NAALADL2: variants seen among roughly 807,000 people sequenced by gnomAD.
NAALADL2 encodes N-acetylated alpha-linked acidic dipeptidase like 2, also known as inactive N-acetylated-alpha-linked acidic dipeptidase-like protein 2.
Under a neutral mutation model 87.2 loss-of-function variants are expected in NAALADL2, and 76 were observed. The observed-to-expected ratio is 0.87, with a 90% confidence interval of 0.72 to 1.05. The LOEUF (loss-of-function observed/expected upper bound fraction) is 1.05, where lower values mean the gene tolerates loss of function less well. Among genes scored for constraint, NAALADL2 ranks in the 50% least tolerant of loss-of-function variants. NAALADL2 has a pLI of 0.00. For synonymous variants in NAALADL2, 354 were observed against 331.0 expected (o/e 1.07, Z -0.75); for missense variants, 1,089 against 945.8 (o/e 1.15, Z -1.99).
At chr3:175,066,748 A>G (rs1714604481) in intron 1 of NAALADL2, among the ~76,000 whole-genome samples, 1 of 152,294 alleles carries the variant, frequency 6.6e-6, no homozygotes, top group Admixed American at 6.5e-5. Context: ...CCTTGCCCCT[A>G]TCAAAGACCT....
At chr3:175,233,397 A>G (rs181815961) in intron 2 of NAALADL2, among the ~76,000 whole-genome samples, 18 of 152,230 alleles carry the variant, frequency 1.2e-4, no homozygotes, top group Non-Finnish European at 2.2e-4. Flanking sequence ...CTTCTCTGCA[A>G]TGCCATAGTG....
At chr3:175,466,229 A>G (rs1723999098) in intron 7 of NAALADL2, among the ~76,000 whole-genome samples, 1 of 152,214 alleles carries the variant, frequency 6.6e-6, no homozygotes, top group Non-Finnish European at 1.5e-5. Flanking sequence ...AGATAAATTC[A>G]GATATGTTAT....
At chr3:175,674,557 C>G (rs1170197685) in intron 11 of NAALADL2, among the ~76,000 whole-genome samples, 1 of 152,084 alleles carries the variant, frequency 6.6e-6, no homozygotes, top group Non-Finnish European at 1.5e-5. Flanking sequence ...AGCCACCGTG[C>G]CCGGCGACAG....
At chr3:175,616,843 G>T (rs770561358) in intron 10 of NAALADL2, among the ~76,000 whole-genome samples, 17 of 152,156 alleles carry the variant, frequency 1.1e-4, no homozygotes, top group Non-Finnish European at 2.2e-4. Context: ...TAGCCCTTTC[G>T]TAGCTTCTGC....
intron 2 of NAALADL2, among the ~76,000 whole-genome samples, chr3:175,184,797 T>A (rs978209766): frequency 1.3e-5 from 2 of 152,104 alleles, no homozygotes; most frequent in African/African-American, 4.8e-5. Context: ...GAACCTCTGA[T>A]TCAACTTTTG....
At chr3:174,898,112 C>CA (rs913382744) in intron 1 of NAALADL2, among the ~76,000 whole-genome samples, 4,439 of 14,456 alleles carry the variant, frequency 0.31, 1,645 homozygotes, top group Non-Finnish European at 0.35. Flanking sequence ...GACTCCGTCT[C>CA]AAAAAAAAAA....
chr3:175,042,456 A>G (rs796253672), intron 1 of NAALADL2, among the ~76,000 whole-genome samples: 11 of 152,284 alleles, frequency 7.2e-5, no homozygotes, highest in African/African-American at 2.6e-4. Context: ...ACTGTAATAT[A>G]TACACAGAAT....
intron 2 of NAALADL2, among the ~76,000 whole-genome samples, chr3:175,188,527 T>A (rs1314922182): frequency 6.6e-6 from 1 of 152,130 alleles, no homozygotes; most frequent in Non-Finnish European, 1.5e-5. Context: ...TAATGTAGTT[T>A]CCTATGTCCC....
chr3:175,582,145 G>T (rs923949969), intron 10 of NAALADL2, among the ~76,000 whole-genome samples: 2 of 151,828 alleles, frequency 1.3e-5, no homozygotes, highest in Non-Finnish European at 2.9e-5. Flanking sequence ...CATAAAGGAA[G>T]CCTGTTAAAA....
intron 12 of NAALADL2, among the ~76,000 whole-genome samples, chr3:175,754,216 T>C (rs1459723910): frequency 6.6e-6 from 1 of 152,206 alleles, no homozygotes; most frequent in Non-Finnish European, 1.5e-5. Flanking sequence ...GGTACTATTA[T>C]TACATTCATT....
chr3:175,283,695 A>G (rs532231195), intron 4 of NAALADL2, among the ~76,000 whole-genome samples: 167 of 152,260 alleles, frequency 1.1e-3, no homozygotes, highest in African/African-American at 3.7e-3. Context: ...TCAAGGGATG[A>G]GGGTCTGCAC....
intron 2 of NAALADL2, among the ~76,000 whole-genome samples, chr3:174,706,273 C>T (rs1439995060): frequency 6.6e-6 from 1 of 152,204 alleles, no homozygotes; most frequent in African/African-American, 2.4e-5. Flanking sequence ...GAAGTTTGAT[C>T]TCTACCTCAT....
intron 10 of NAALADL2, among the ~76,000 whole-genome samples, chr3:175,624,234 G>A (rs1017575194): frequency 1.3e-5 from 2 of 151,856 alleles, no homozygotes; most frequent in African/African-American, 4.8e-5. Context: ...TCTTGGAAGT[G>A]GCCTCAGTCA....
At chr3:174,570,721 G>C (rs191315572) in intron 2 of NAALADL2, among the ~76,000 whole-genome samples, 1 of 152,212 alleles carries the variant, frequency 6.6e-6, no homozygotes, top group East Asian at 1.9e-4. Context: ...CAAATCTGCT[G>C]TAAAGATAAC....
intron 1 of NAALADL2, among the ~76,000 whole-genome samples, chr3:174,896,467 A>G (rs901505777): frequency 6.6e-6 from 1 of 152,174 alleles, no homozygotes; most frequent in African/African-American, 2.4e-5. Context: ...CCAAAGAATT[A>G]AAGGATCTCT....
At chr3:175,592,415 G>A (rs1721636518) in intron 10 of NAALADL2, among the ~76,000 whole-genome samples, 1 of 150,082 alleles carries the variant, frequency 6.7e-6, no homozygotes, top group Non-Finnish European at 1.5e-5. Flanking sequence ...ACCTAATTCA[G>A]GCAATTCATT....
At chr3:175,052,008 C>T (rs915003964) in intron 1 of NAALADL2, among the ~76,000 whole-genome samples, 8 of 152,304 alleles carry the variant, frequency 5.3e-5, no homozygotes, top group Admixed American at 1.3e-4. Flanking sequence ...TCAGGGGTCT[C>T]GCAACCTTCA....
chr3:174,747,621 C>CA (rs150843588), intron 3 of NAALADL2, among the ~76,000 whole-genome samples: 16,492 of 38,886 alleles, frequency 0.42, 3,650 homozygotes, highest in Middle Eastern at 0.54. Flanking sequence ...GACCCCATCT[C>CA]AAAAAAAAAA....
Position 175,281,356 on chromosome 3 carries a change from G to C in NAALADL2, c.939+24826G>C, listed in dbSNP as rs74801488. Among the ~76,000 whole-genome samples the C allele has an allele frequency of 1.0e-3, 157 of 151,818 alleles. No homozygotes were observed. The East Asian group carries it at 0.029, about 28-fold the overall frequency. ...TGCCTCTTATAGTAATATTTTCCAT[G>C]TATAAGATTCTTAAAGTAAGCCATT... is the stretch of plus-strand genomic sequence containing the variant. On this transcript the variant is annotated intron_variant, in intron 4 of 13. Transcript: ENST00000454872.
Sources: allele counts gnomAD v4.1 joint callset (sites outside exome capture counted in the v4.1 genomes callset), GRCh38; gene constraint gnomAD v4.1.1; transcripts MANE v1.5; gene names NCBI Gene and HGNC (gene_info 2026-07-23, HGNC 2026-07-21).